The following TRPC4AP variants were observed in gnomAD, a reference collection of about 807,000 sequenced individuals.
TRPC4AP encodes short transient receptor potential channel 4-associated protein.
Under a neutral mutation model 99.0 loss-of-function variants are expected in TRPC4AP, and 45 were observed. The observed-to-expected ratio is 0.45, with a 90% CI of 0.36 to 0.58. The LOEUF (loss-of-function observed/expected upper bound fraction) is 0.58. Among genes scored for constraint, TRPC4AP ranks in the 20% least tolerant of loss-of-function variants. The pLI is 0.00. For synonymous variants in TRPC4AP, 408 were observed against 385.8 expected (o/e 1.06, Z -0.67); for missense variants, 879 against 985.3 (o/e 0.89, Z 1.44).
At chr20:35,012,960 C>T (rs200383557) in intron 11 of TRPC4AP, 48 bp downstream of exon 11, 1 of 1,603,442 alleles carries the variant, frequency 6.2e-7, no homozygotes, top group East Asian at 2.2e-5. Flanking sequence ...TCGAGGCCTT[C>T]CGAAGACAGC....
chr20:35,016,214 A>T (rs1391812516), intron 9 of TRPC4AP, 75 bp from the exon 10 acceptor site: 7 of 1,552,882 alleles, frequency 4.5e-6, no homozygotes, highest in Non-Finnish European at 6.2e-6. Flanking sequence ...TGCTCAGTAC[A>T]CACGATAATG....
chr20:35,068,048 T>C (rs2084191237), intron 3 of TRPC4AP, among the ~76,000 whole-genome samples: 1 of 152,190 alleles, frequency 6.6e-6, no homozygotes. Flanking sequence ...AAAAAAACTA[T>C]GGAAAAATAT....
chr20:35,018,000 G>A (rs2082793197), intron 9 of TRPC4AP, among the ~76,000 whole-genome samples: 1 of 152,140 alleles, frequency 6.6e-6, no homozygotes, highest in Admixed American at 6.5e-5. Flanking sequence ...GGGGAGGTAC[G>A]GCTGACATCT....
chr20:35,077,932 A>T, intron 2 of TRPC4AP, 114 bp downstream of exon 2: 1 of 1,211,144 alleles, frequency 8.3e-7, no homozygotes, highest in Non-Finnish European at 1.1e-6. Flanking sequence ...TCTATAGCTC[A>T]CACAGTAAAA....
chr20:35,020,925 C>T (rs1600525486), intron 9 of TRPC4AP, among the ~76,000 whole-genome samples: 1 of 152,210 alleles, frequency 6.6e-6, no homozygotes, highest in Non-Finnish European at 1.5e-5. Flanking sequence ...GTCTTCACCT[C>T]ACAGAGGCAA....
chr20:35,069,471 T>TAAAGAAAA, intron 2 of TRPC4AP, 59 bp from the exon 3 acceptor site: 1 of 1,090,550 alleles, frequency 9.2e-7, no homozygotes, highest in Admixed American at 1.9e-5. Context: ...GACCAGACAC[T>TAAAGAAAA]AAAGCATCAG....
intron 4 of TRPC4AP, 97 bp downstream of exon 4, chr20:35,057,417 T>TA: frequency 1.0e-6 from 1 of 970,042 alleles, no homozygotes. Flanking sequence ...TCCTTACTAT[T>TA]AAGAGTTAGG....
chr20:35,020,362 T>G (rs746340348), intron 9 of TRPC4AP, among the ~76,000 whole-genome samples: 2 of 152,180 alleles, frequency 1.3e-5, no homozygotes, highest in Non-Finnish European at 2.9e-5. Context: ...CTGTGAGCCC[T>G]CAGCCCTCCT....
chr20:35,016,960 T>C (rs2082769670), intron 9 of TRPC4AP, among the ~76,000 whole-genome samples: 1 of 152,216 alleles, frequency 6.6e-6, no homozygotes, highest in African/African-American at 2.4e-5. Context: ...GAGGGCACAC[T>C]GGTATGACCT....
At chr20:35,041,385 G>A (rs1311579048) in intron 7 of TRPC4AP, among the ~76,000 whole-genome samples, 1 of 152,136 alleles carries the variant, frequency 6.6e-6, no homozygotes, top group Non-Finnish European at 1.5e-5. Context: ...TATGGTCAGG[G>A]TTGGGAAGGG....
chr20:35,020,672 C>T (rs898120917), intron 9 of TRPC4AP, among the ~76,000 whole-genome samples: 1 of 152,136 alleles, frequency 6.6e-6, no homozygotes, highest in Non-Finnish European at 1.5e-5. Context: ...TCTCAATAGT[C>T]TTGAGGAGGG....
chr20:35,090,438 G>C (rs368989056), intron 1 of TRPC4AP, among the ~76,000 whole-genome samples: 2 of 138,866 alleles, frequency 1.4e-5, no homozygotes, highest in South Asian at 2.3e-4. Flanking sequence ...GTGCAGTGGC[G>C]TGATCTCAGC....
intron 8 of TRPC4AP, among the ~76,000 whole-genome samples, chr20:35,031,165 A>T (rs1884947956): frequency 6.6e-6 from 1 of 151,944 alleles, no homozygotes; most frequent in African/African-American, 2.4e-5. Flanking sequence ...CACTAATCTT[A>T]TTGGAATATC....
intron 6 of TRPC4AP, among the ~76,000 whole-genome samples, chr20:35,048,762 C>T (rs2083621175): frequency 6.6e-6 from 1 of 152,178 alleles, no homozygotes; most frequent in African/African-American, 2.4e-5. Flanking sequence ...GACTCCTATG[C>T]TGAGACTGCT....
At position 35,049,883 on chromosome 20, in the gene TRPC4AP, T is replaced by C. The variant is rs1177424149; in HGVS notation, c.640A>G (p.Ile214Val). Reference sequence around the variant, plus strand: ...CAGCTCACCTTTTTAACACCCAAAATATCTTCAATGAGGGTTGCTGTTTGT... The same window carrying C: ...CAGCTCACCTTTTTAACACCCAAAACATCTTCAATGAGGGTTGCTGTTTGT... ...FLQTATLIED[I>V]LGVKKEMIRL... The change falls in exon 6 of 19, where the codon ATT becomes GTT. Residue 214 changes from isoleucine to valine, a missense_variant. Ile to Val is a conservative substitution (Grantham distance 29). Around this residue, in one of 3 missense-constraint regions of TRPC4AP, gnomAD observed 603 missense variants for 631.8 expected, o/e 0.95. Transcript: ENST00000252015. 6 of 1,613,736 alleles carry C rather than the reference T, an allele frequency of 3.7e-6. No homozygotes were observed. The highest frequency in any genetic ancestry group is 5.1e-6 in the Non-Finnish European group (6 of 1,179,816).
intron 1 of TRPC4AP, among the ~76,000 whole-genome samples, chr20:35,086,156 C>T (rs1030155289): frequency 1.3e-5 from 2 of 151,538 alleles, no homozygotes; most frequent in African/African-American, 4.9e-5. Context: ...TGGAGTTTCA[C>T]CCATCTTGCC....
chr20:35,039,664 CCT>C (rs1224684509), intron 7 of TRPC4AP, among the ~76,000 whole-genome samples: 2 of 152,042 alleles, frequency 1.3e-5, no homozygotes, highest in Non-Finnish European at 2.9e-5. Context: ...TAATTCAGCC[CCT>C]CTCAGCTAAG....
intron 7 of TRPC4AP, among the ~76,000 whole-genome samples, chr20:35,035,916 A>C (rs1569107557): frequency 6.6e-6 from 1 of 152,250 alleles, no homozygotes; most frequent in African/African-American, 2.4e-5. Flanking sequence ...GAAAGCATAT[A>C]TACCAAGGAA....
chr20:35,084,820 G>A (rs1172654404), intron 1 of TRPC4AP, among the ~76,000 whole-genome samples: 1 of 151,210 alleles, frequency 6.6e-6, no homozygotes, highest in South Asian at 2.1e-4. Flanking sequence ...AAAAATGGAA[G>A]AGGACTGTTT....
Sources: gnomAD v4.1 joint callset for allele counts (sites outside exome capture counted in the v4.1 genomes callset) on GRCh38, gnomAD v4.1.1 for gene constraint, gnomAD v4.1.1 regional missense constraint, MANE v1.5 for transcripts, NCBI Gene and HGNC (gene_info 2026-07-23, HGNC 2026-07-21) for gene names.